The following GSK3B variants were observed in gnomAD, a reference collection of about 807,000 sequenced individuals.
GSK3B encodes the protein glycogen synthase kinase 3 beta.
A neutral mutation model predicts 56.4 loss-of-function variants in GSK3B; 15 were observed. That is an observed-to-expected ratio of 0.27 (90% CI 0.18 to 0.41). The LOEUF (loss-of-function observed/expected upper bound fraction) is 0.41. Among genes scored for constraint, GSK3B ranks in the 10% least tolerant of loss-of-function variants. GSK3B has a pLI of 1.00. For missense variants in GSK3B, 300 were observed against 513.4 expected (o/e 0.58, Z 4.02); for synonymous variants, 181 against 188.9 (o/e 0.96, Z 0.34).
intron 3 of GSK3B, among the ~76,000 whole-genome samples, chr3:119,941,728 G>T (rs1185278684): frequency 6.6e-6 from 1 of 152,118 alleles, no homozygotes; most frequent in Non-Finnish European, 1.5e-5. Context: ...TAATTTATAT[G>T]CCAGGTACTA....
chr3:120,000,436 T>G (rs146261338), intron 2 of GSK3B, among the ~76,000 whole-genome samples: 2 of 152,316 alleles, frequency 1.3e-5, no homozygotes, highest in African/African-American at 4.8e-5. Flanking sequence ...ACTGAATTTT[T>G]AAAAATTCTT....
chr3:120,094,144 A>ATG lies in GSK3B; in HGVS notation c.-711_-710insCA, dbSNP rs1466513608. On this transcript the variant is annotated 5_prime_UTR_variant, in exon 1 of 11. The change creates a premature stop within an existing upstream ORF in the 5' untranslated region. Coordinates refer to ENST00000264235, the MANE Select transcript of GSK3B (RefSeq NM_001146156.2). The stretch of plus-strand genomic sequence containing the variant: ...CGGTGGCGGAGGCAGCTCCCTTCAG[A>ATG]CCCCAGGCAGCGGCTCCTCGACTGT... The ATG allele has an allele frequency of 4.4e-6, 1 of 228,852 alleles. No homozygotes were observed. The highest frequency in any genetic ancestry group is 2.3e-5 in the African/African-American group (1 of 44,352). 14.2% of individuals were successfully genotyped at this position (228,852 alleles called of 1,614,324 possible).
At chr3:119,837,614 C>A (rs548488775) in intron 10 of GSK3B, among the ~76,000 whole-genome samples, 73 of 152,020 alleles carry the variant, frequency 4.8e-4, no homozygotes, top group Middle Eastern at 3.4e-3. Flanking sequence ...AACAGCAGAA[C>A]CATTGCATTG....
intron 4 of GSK3B, among the ~76,000 whole-genome samples, chr3:119,917,488 G>C (rs941476522): frequency 6.6e-6 from 1 of 151,972 alleles, no homozygotes; most frequent in African/African-American, 2.4e-5. Context: ...ATCATTCACA[G>C]AATCCATTTC....
At chr3:120,043,470 G>GACAAAGACAAATCTCT (rs2058079593) in intron 1 of GSK3B, among the ~76,000 whole-genome samples, 1 of 152,096 alleles carries the variant, frequency 6.6e-6, no homozygotes, top group Non-Finnish European at 1.5e-5. Context: ...GACGAACAAT[G>GACAAAGACAAATCTCT]ACAAAGACAA....
intron 2 of GSK3B, among the ~76,000 whole-genome samples, chr3:119,962,766 A>T (rs2057284293): frequency 6.6e-6 from 1 of 152,224 alleles, no homozygotes. Context: ...CCAGTTCCAT[A>T]GAAGACTATT....
At chr3:119,865,464 A>ATTTT (rs2056168376) in intron 8 of GSK3B, among the ~76,000 whole-genome samples, 5 of 28,528 alleles carry the variant, frequency 1.8e-4, no homozygotes, top group South Asian at 2.1e-3. Flanking sequence ...ATATATATAT[A>ATTTT]TATTTTTTTT....
chr3:119,855,789 T>C (rs2056012228), intron 9 of GSK3B, among the ~76,000 whole-genome samples: 1 of 146,886 alleles, frequency 6.8e-6, no homozygotes, highest in Non-Finnish European at 1.5e-5. Context: ...TGAGAACACT[T>C]GGACACAGGG....
intron 6 of GSK3B, among the ~76,000 whole-genome samples, chr3:119,907,095 T>C (rs1191147953): frequency 6.6e-6 from 1 of 152,112 alleles, no homozygotes; most frequent in Admixed American, 6.5e-5. Flanking sequence ...AAGCCAATAG[T>C]AATACTAACT....
At chr3:119,960,458 G>A (rs1239435397) in intron 2 of GSK3B, among the ~76,000 whole-genome samples, 1 of 152,020 alleles carries the variant, frequency 6.6e-6, no homozygotes, top group African/African-American at 2.4e-5. Context: ...CTCCAAAGTA[G>A]TACAAGAGAA....
intron 1 of GSK3B, among the ~76,000 whole-genome samples, chr3:120,014,083 C>G (rs1039728791): frequency 7.0e-6 from 1 of 142,492 alleles, no homozygotes; most frequent in African/African-American, 2.6e-5. Context: ...TGCAGTGAGC[C>G]AAGATCATGC....
At chr3:120,070,927 A>C (rs1034798470) in intron 1 of GSK3B, among the ~76,000 whole-genome samples, 1 of 152,220 alleles carries the variant, frequency 6.6e-6, no homozygotes, top group African/African-American at 2.4e-5. Flanking sequence ...ACCCACCAGC[A>C]GGGACTCAGA....
chr3:119,879,978 T>C (rs1264558150), intron 7 of GSK3B, among the ~76,000 whole-genome samples: 2 of 152,230 alleles, frequency 1.3e-5, no homozygotes, highest in African/African-American at 4.8e-5. Context: ...CTTTTGGGTA[T>C]ATACCTAGCA....
chr3:120,006,756 T>C (rs2057732177), intron 1 of GSK3B, among the ~76,000 whole-genome samples: 1 of 152,072 alleles, frequency 6.6e-6, no homozygotes, highest in Non-Finnish European at 1.5e-5. Context: ...CTGGAACACA[T>C]TTAAAGCAGT....
chr3:120,050,970 GAAA>G (rs2058143846), intron 1 of GSK3B, among the ~76,000 whole-genome samples: 3 of 152,116 alleles, frequency 2.0e-5, no homozygotes, highest in Admixed American at 6.5e-5. Flanking sequence ...CAAGACTGAG[GAAA>G]CAATCTGAGA....
At chr3:119,945,845 G>A (rs1006670197) in intron 3 of GSK3B, among the ~76,000 whole-genome samples, 2 of 151,934 alleles carry the variant, frequency 1.3e-5, no homozygotes, top group Admixed American at 6.6e-5. Flanking sequence ...GGAGTATCAT[G>A]ATGTATCTAG....
intron 7 of GSK3B, among the ~76,000 whole-genome samples, chr3:119,895,776 T>A (rs1164054100): frequency 6.6e-6 from 1 of 152,162 alleles, no homozygotes; most frequent in African/African-American, 2.4e-5. Flanking sequence ...TATGGCTACA[T>A]TCACGCCAGT....
At chr3:119,850,643 T>A (rs1011572832) in intron 9 of GSK3B, among the ~76,000 whole-genome samples, 15 of 151,688 alleles carry the variant, frequency 9.9e-5, no homozygotes, top group African/African-American at 3.4e-4. Flanking sequence ...TGGCAATGAG[T>A]GATAAGGAAA....
At chr3:119,908,505 C>T (rs2056704517) in intron 6 of GSK3B, among the ~76,000 whole-genome samples, 1 of 152,192 alleles carries the variant, frequency 6.6e-6, no homozygotes, top group South Asian at 2.1e-4. Context: ...CAGAAAAGAA[C>T]TGTCAGTAAT....
Sources: allele counts gnomAD v4.1 joint callset (sites outside exome capture counted in the v4.1 genomes callset), GRCh38; gene constraint gnomAD v4.1.1; transcripts MANE v1.5; gene names NCBI Gene and HGNC (gene_info 2026-07-23, HGNC 2026-07-21).